Variants in BCOR observed in about 807,000 individuals in gnomAD.
BCOR encodes BCL-6 corepressor.
BCOR carries 10 observed loss-of-function variants against 86.7 expected under a neutral mutation model. That is an observed-to-expected ratio of 0.12 (90% CI 0.07 to 0.20). BCOR has a LOEUF of 0.20. BCOR is among the 10% of genes least tolerant of loss of function. The pLI is 1.00. For missense variants in BCOR, 1,259 were observed against 1,452.1 expected (o/e 0.87, Z 2.16); for synonymous variants, 611 against 609.0 (o/e 1.00, Z -0.05).
rs1935448406 is a variant in BCOR, at chrX:40,070,995, T to C, written c.3216A>G (p.Ala1072=). The change falls in exon 6 of 15, where the codon GCA becomes GCG. Residue 1072 remains alanine (A), a synonymous_variant. Transcript: ENST00000378444. Reference sequence around the variant, plus strand: ...TACATCTCTCACTTTCGTTCTGTTCTGCAATGGCCTCCTCCAGGGTGACCG... The same window carrying C: ...TACATCTCTCACTTTCGTTCTGTTCCGCAATGGCCTCCTCCAGGGTGACCG... ...PKSVTLEEAI[A]EQNESERCEY... is the part of the protein sequence containing the mutation. 6 of 1,209,775 alleles carry C rather than the reference T, an allele frequency of 5.0e-6. No individual in the cohort carries two copies. The highest frequency in any genetic ancestry group is 3.5e-5 in the African/African-American group (2 of 57,164).
upstream of BCOR, among the ~76,000 whole-genome samples, chrX:40,100,350 G>A (rs1030458152): frequency 1.8e-5 from 2 of 112,615 alleles, no homozygotes; most frequent in African/African-American, 3.2e-5. Context: ...TTCCGGCTCG[G>A]TTAGGCCGAA....
At position 40,112,663 on chromosome X, in the gene BCOR, G is replaced by A. The variant is rs759315440; in HGVS notation, c.-40-34694C>T. ...ACTCCTGACCTCAAGTAATCCACCCGCCTCTGCCTCCTAAAGTGCTGGGAT... is the reference window on the plus strand; with the variant it reads ...ACTCCTGACCTCAAGTAATCCACCCACCTCTGCCTCCTAAAGTGCTGGGAT... On this transcript the variant is annotated intron_variant, in intron 1 of 14. Transcript: ENST00000342274. Among the ~76,000 whole-genome samples, 10 of 111,528 alleles carry A rather than the reference G, an allele frequency of 9.0e-5. No homozygotes were observed. The South Asian group carries it at 3.0e-3, about 33-fold the overall frequency.
At position 40,078,516 on chromosome X, in the gene BCOR, G is replaced by T. The variant is rs1272420272; in HGVS notation, c.-40-547C>A. On this transcript the variant is annotated intron_variant, in intron 1 of 14. Transcript: ENST00000378444. Reference sequence around the variant, plus strand: ...CTAGGGCTGAATTTCCAAGGCTGTCGTGTGTGCAACTTACAGATCAAGTGT... The same window carrying T: ...CTAGGGCTGAATTTCCAAGGCTGTCTTGTGTGCAACTTACAGATCAAGTGT... Among the ~76,000 whole-genome samples, 3 of 111,806 alleles carry T rather than the reference G, an allele frequency of 2.7e-5. No homozygotes were observed. The South Asian group carries it at 1.1e-3, about 42-fold the overall frequency.
intron 6 of BCOR, 102 bp from the exon 7 acceptor site, chrX:40,064,701 CT>C: frequency 3.2e-6 from 3 of 928,402 alleles, no homozygotes; most frequent in Non-Finnish European, 4.6e-6. Flanking sequence ...AGGTAATCTG[CT>C]ATTGACAGCT....
At chrX:40,158,854 C>T (rs1938356050) in intron 1 of BCOR, among the ~76,000 whole-genome samples, 1 of 112,505 alleles carries the variant, frequency 8.9e-6, no homozygotes, top group African/African-American at 3.2e-5. Flanking sequence ...GTGTTAGGAC[C>T]TAGGGGGATC....
At chrX:40,139,985 A>G (rs1261655612) in intron 1 of BCOR, among the ~76,000 whole-genome samples, 7 of 109,836 alleles carry the variant, frequency 6.4e-5, no homozygotes, top group African/African-American at 9.9e-5. Flanking sequence ...GTTACCCATA[A>G]CATCTGCCAT....
chrX:40,151,857 C>T (rs1938174465), intron 1 of BCOR, among the ~76,000 whole-genome samples: 1 of 112,054 alleles, frequency 8.9e-6, no homozygotes, highest in Admixed American at 9.3e-5. Context: ...CGGCGGCCCT[C>T]GCTCGGCCCC....
chrX:40,108,706 G>A (rs1317687463), intron 1 of BCOR, among the ~76,000 whole-genome samples: 1 of 113,272 alleles, frequency 8.8e-6, no homozygotes, highest in Non-Finnish European at 1.9e-5. Flanking sequence ...CTCTCCACAG[G>A]AGAGCGTCCC....
At chrX:40,130,285 G>T (rs1319035857) in intron 1 of BCOR, among the ~76,000 whole-genome samples, 1 of 111,791 alleles carries the variant, frequency 8.9e-6, no homozygotes, top group Non-Finnish European at 1.9e-5. Flanking sequence ...GGAAACTGAG[G>T]CATGGAGACT....
At position 40,075,098 on chromosome X, in the gene BCOR, C is replaced by T. The variant is rs1321289860; in HGVS notation, c.248G>A (p.Arg83Gln). 1.4e-5 allele frequency: 17 copies of T among 1,209,135 alleles called. No individual in the cohort carries two copies. Among genetic ancestry groups the T allele is most frequent in the East Asian group, 3.0e-5 (1 of 33,750 alleles). Residue 83 changes from arginine (R) to glutamine (Q), a missense_variant, in exon 4 of 15, where the codon CGG (arginine) becomes CAG (glutamine). By Grantham distance (43) the Arg-to-Gln change is conservative. This residue lies in a region of BCOR where 174 missense variants were observed against 189.3 expected (regional missense o/e 0.92). Coordinates refer to ENST00000378444, the MANE Select transcript of BCOR (RefSeq NM_001123385.2). ...AGAATAGACGATGTTTCCCGGGACCCGCAGCCCTTCCCGGATCAGGCCAGT... is the reference window on the plus strand; with the variant it reads ...AGAATAGACGATGTTTCCCGGGACCTGCAGCCCTTCCCGGATCAGGCCAGT... ...DRTGLIREGLRVPGNIVYSSL... is the reference protein window; with the variant it reads ...DRTGLIREGLQVPGNIVYSSL...
chrX:40,069,087 T>C (rs538050353), intron 6 of BCOR, among the ~76,000 whole-genome samples: 2 of 112,688 alleles, frequency 1.8e-5, no homozygotes, highest in African/African-American at 3.2e-5. Flanking sequence ...ATGGCCGAGA[T>C]AGCTCAGTGA....
At position 40,175,305 on chromosome X, in the gene BCOR, C is replaced by T. The variant is rs1235918195; in HGVS notation, c.-41+1702G>A. On this transcript the variant is annotated intron_variant, in intron 1 of 14. Coordinates refer to the BCOR transcript ENST00000342274. ...CGCGCGTAAGCGCGGCACTCAGCAG[C>T]TCGACGCAAAGCCAGGGCTGGATTT... Among the ~76,000 whole-genome samples the T allele has an allele frequency of 4.4e-5, 5 of 113,473 alleles. No individual in the cohort carries two copies. The East Asian group carries it at 1.1e-3, about 25-fold the overall frequency.
At chrX:40,116,423 G>A (rs1001940435) in intron 1 of BCOR, among the ~76,000 whole-genome samples, 6 of 110,355 alleles carry the variant, frequency 5.4e-5, no homozygotes, top group Non-Finnish European at 1.1e-4. Flanking sequence ...TGTGAAACCA[G>A]GAGGCAGAGC....
At chrX:40,080,245 C>A (rs968668883) in intron 1 of BCOR, among the ~76,000 whole-genome samples, 1 of 107,597 alleles carries the variant, frequency 9.3e-6, no homozygotes, top group Non-Finnish European at 1.9e-5. Flanking sequence ...AGTTTGAGAC[C>A]AGCCTGACCA....
In BCOR at chrX:40,117,960, T is replaced by TTCTCTCTCTCTC. The variant is rs747544385; in HGVS notation, c.-40-40003_-40-39992dup. 4.5e-3 allele frequency among the ~76,000 whole-genome samples: 423 copies of TTCTCTCTCTCTC among 94,432 alleles called. 8 individuals are homozygous for TTCTCTCTCTCTC. The highest frequency in any genetic ancestry group is 0.019 in the African/African-American group (408 of 21,169). The allele number at this position is 94,432 out of a possible 115,157, so 82.0% of individuals were successfully genotyped here. A position where few individuals can be genotyped will look rare whatever the true frequency, so the allele number is the denominator to read the frequency against. ...AGGAAGTATACTATGCTCGCACTCT[T>TTCTCTCTCTCTC]TCTCTCTCTCTCTCTCTCTCTCCAC... On this transcript the variant is annotated intron_variant, in intron 1 of 14. Coordinates refer to the BCOR transcript ENST00000342274.
At position 40,063,596 on chromosome X, in the gene BCOR, G is replaced by A; in HGVS notation, c.3847+12C>T. 8.4e-7 allele frequency: 1 copy of A among 1,191,194 alleles called. No individual in the cohort carries two copies. Among genetic ancestry groups the A allele is most frequent in the Non-Finnish European group, 1.1e-6 (1 of 877,200 alleles). On this transcript the variant is annotated intron_variant, in intron 8 of 14. Coordinates refer to ENST00000378444, the MANE Select transcript of BCOR (RefSeq NM_001123385.2). ...GAGCGGGGTGAACACTCAAGGGGTG[G>A]CCCCCGCATACCTTGTTCATTGTCA...
intron 11 of BCOR, 62 bp downstream of exon 11, chrX:40,057,093 C>T: frequency 8.6e-7 from 1 of 1,160,100 alleles, no homozygotes; most frequent in South Asian, 1.8e-5. Context: ...AGAACCACCA[C>T]CGCACAGATA....
intron 1 of BCOR, among the ~76,000 whole-genome samples, chrX:40,168,608 C>A (rs1299741653): frequency 2.7e-5 from 3 of 112,370 alleles, no homozygotes; most frequent in Non-Finnish European, 5.6e-5. Flanking sequence ...GCGCGCACAC[C>A]TCACCTCCAC....
At chrX:40,066,115 G>A (rs980568373) in intron 6 of BCOR, among the ~76,000 whole-genome samples, 1 of 111,468 alleles carries the variant, frequency 9.0e-6, no homozygotes, top group South Asian at 3.8e-4. Context: ...CCTCACTCAC[G>A]ACAGTGCACT....
Sources: gnomAD v4.1 joint callset for allele counts (sites outside exome capture counted in the v4.1 genomes callset) on GRCh38, gnomAD v4.1.1 for gene constraint, gnomAD v4.1.1 regional missense constraint, MANE v1.5 for transcripts, NCBI Gene and HGNC (gene_info 2026-07-23, HGNC 2026-07-21) for gene names.